GIT2: variants seen among roughly 807,000 people sequenced by gnomAD.
The protein encoded by GIT2 is ARF GTPase-activating protein GIT2.
GIT2 carries 32 observed loss-of-function variants against 100.3 expected under a neutral mutation model. The ratio of observed to expected loss-of-function variants is 0.32; its 90% CI spans 0.24 to 0.43. The LOEUF (loss-of-function observed/expected upper bound fraction) is 0.43, where lower values mean the gene tolerates loss of function less well. Ranked by LOEUF, GIT2 falls within the 20% of genes least tolerant of loss-of-function variation. The pLI is 1.00. For missense variants in GIT2, 737 were observed against 975.1 expected, an observed-to-expected ratio of 0.76 and a Z score of 3.25; for synonymous variants, 353 against 364.1, an observed-to-expected ratio of 0.97 and a Z score of 0.35.
chr12:109,970,579 A>G (rs1883605427), intron 7 of GIT2, among the ~76,000 whole-genome samples: 1 of 152,208 alleles, frequency 6.6e-6, no homozygotes, highest in Admixed American at 6.5e-5. Context: ...ACAAAAATCA[A>G]TTGAACATAT....
rs1008410639 is a variant in GIT2, at chr12:109,931,835, G to A, written c.*1143C>T. ...CAACCTTACTCTTTCAGAGCTTTGG[G>A]GTAGCAGGCAGCCAGCTAGAGCACA... On this transcript the variant is annotated 3_prime_UTR_variant, in exon 20 of 20. Coordinates refer to ENST00000355312, the MANE Select transcript of GIT2 (RefSeq NM_057169.5). The A allele has an allele frequency of 2.6e-5, 4 of 152,210 alleles. No homozygotes were observed. The highest frequency in any genetic ancestry group is 5.9e-5 in the Non-Finnish European group (4 of 68,050). 9.4% of individuals were successfully genotyped at this position (152,210 alleles called of 1,614,324 possible).
At chr12:109,998,895 A>C (rs999779452), upstream of GIT2, 1 of 152,270 alleles carries the variant, frequency 6.6e-6, no homozygotes, top group Admixed American at 6.5e-5. Flanking sequence ...ACCCCCACAC[A>C]AAAACTGCCC....
intron 14 of GIT2, among the ~76,000 whole-genome samples, chr12:109,949,857 T>C (rs941867764): frequency 6.6e-6 from 1 of 152,182 alleles, no homozygotes; most frequent in Non-Finnish European, 1.5e-5. Context: ...ATTAGTCCAA[T>C]TAATGGAACA....
upstream of GIT2, among the ~76,000 whole-genome samples, chr12:109,997,204 CAAAAAAA>C (rs35732772): frequency 3.0e-4 from 13 of 43,312 alleles, no homozygotes; most frequent in Non-Finnish European, 4.4e-4. Context: ...GACTCCGTCT[CAAAAAAA>C]AAAAAAAAAA....
At position 109,992,442 on chromosome 12, in the gene GIT2, C is replaced by T. The variant is rs112881375; in HGVS notation, c.53-682G>A. Among the ~76,000 whole-genome samples the T allele has an allele frequency of 2.4e-3, 363 of 151,986 alleles. 1 individual carries two copies. Among genetic ancestry groups the T allele is most frequent in the African/African-American group, 8.2e-3 (338 of 41,448 alleles). On this transcript the variant is annotated intron_variant, in intron 1 of 19. Coordinates refer to ENST00000355312, the MANE Select transcript of GIT2 (RefSeq NM_057169.5). Reference sequence around the variant, plus strand: ...GATTACAGGCGTGAGCCACTGTGCCCGGCCAAGATAATATAATTTTGACAG... The same window carrying T: ...GATTACAGGCGTGAGCCACTGTGCCTGGCCAAGATAATATAATTTTGACAG...
At chr12:109,937,608 C>T (rs1873407636) in intron 18 of GIT2, among the ~76,000 whole-genome samples, 2 of 152,128 alleles carry the variant, frequency 1.3e-5, no homozygotes, top group Non-Finnish European at 2.9e-5. Context: ...AGAGCCAGTC[C>T]CTTCCTCAGG....
chr12:109,970,899 C>A (rs1883705243), intron 7 of GIT2, among the ~76,000 whole-genome samples: 2 of 152,154 alleles, frequency 1.3e-5, no homozygotes, highest in Non-Finnish European at 2.9e-5. Flanking sequence ...AGGTGATCTT[C>A]CCACATCAGC....
intron 7 of GIT2, among the ~76,000 whole-genome samples, chr12:109,979,999 G>A (rs547946086): frequency 1.3e-5 from 2 of 152,324 alleles, no homozygotes. Flanking sequence ...CAACTCTGCT[G>A]TTGTTATGTG....
chr12:109,964,311 C>T (rs1881748446), intron 9 of GIT2, among the ~76,000 whole-genome samples: 1 of 151,984 alleles, frequency 6.6e-6, no homozygotes. Flanking sequence ...GCATAAAACA[C>T]ATTTATTTCA....
Position 109,940,930 on chromosome 12 carries a change from A to C in GIT2, c.1732-1683T>G, listed in dbSNP as rs940694355. Among the ~76,000 whole-genome samples the C allele has an allele frequency of 6.6e-5, 10 of 151,722 alleles. 1 individual carries two copies. The highest frequency in any genetic ancestry group is 1.3e-4 in the Admixed American group (2 of 15,228). ...CAAAACCAAAAAGAAAAAAAAAAAAAAACCCCACAAAACTCTACATAAAGC... is the reference window on the plus strand; with the variant it reads ...CAAAACCAAAAAGAAAAAAAAAAAACAACCCCACAAAACTCTACATAAAGC... On this transcript the variant is annotated intron_variant, in intron 16 of 19. Transcript: ENST00000355312.
chr12:109,949,551 T>A (rs184455183), intron 14 of GIT2, among the ~76,000 whole-genome samples: 1 of 152,342 alleles, frequency 6.6e-6, no homozygotes, highest in East Asian at 1.9e-4. Flanking sequence ...CAGGCTACAC[T>A]TTTTTATTTG....
rs1871561399 is a variant in GIT2, at chr12:109,931,098, G to A, written c.*1880C>T. On this transcript the variant is annotated 3_prime_UTR_variant, in exon 20 of 20. Transcript: ENST00000355312. ...GACTTAGTAAAGCAAGCACCGTCGG[G>A]GTGCTACTTTCATGACAGCATATGG... 1 of 152,220 alleles carries A rather than the reference G, an allele frequency of 6.6e-6. No homozygotes were observed. Among genetic ancestry groups the A allele is most frequent in the East Asian group, 1.9e-4 (1 of 5,202 alleles). 9.4% of individuals were successfully genotyped at this position (152,220 alleles called of 1,614,324 possible).
chr12:109,945,251 G>A lies in GIT2; in HGVS notation c.1731+9C>T, dbSNP rs1219857611. 2 of 1,371,560 alleles carry A rather than the reference G, an allele frequency of 1.5e-6. No individual in the cohort carries two copies. The highest frequency in any genetic ancestry group is 1.4e-5 in the African/African-American group (1 of 70,208). 85.0% of individuals were successfully genotyped at this position (1,371,560 alleles called of 1,614,324 possible). On this transcript the variant is annotated intron_variant, in intron 16 of 19. Coordinates refer to ENST00000355312, the MANE Select transcript of GIT2 (RefSeq NM_057169.5). ...CTCCAGAGAGCAGACCATTCAGAAT[G>A]TACTTAACCCTTCGGGCGCTTTCGT...
At chr12:109,980,834 G>T in intron 7 of GIT2, 118 bp downstream of exon 7, 1 of 716,398 alleles carries the variant, frequency 1.4e-6, no homozygotes, top group Admixed American at 2.0e-5. Context: ...AAAGCCATAT[G>T]TATAGCTTTC....
At chr12:109,997,204 CA>C (rs35732772), upstream of GIT2, among the ~76,000 whole-genome samples, 3,795 of 43,266 alleles carry the variant, frequency 0.088, 61 homozygotes, top group African/African-American at 0.2. Flanking sequence ...GACTCCGTCT[CA>C]AAAAAAAAAA....
intron 17 of GIT2, chr12:109,938,912 G>A: frequency 4.1e-6 from 2 of 491,452 alleles, no homozygotes; most frequent in Middle Eastern, 5.3e-4. Flanking sequence ...GATGAAGTGG[G>A]GTAATGACTT....
intron 11 of GIT2, among the ~76,000 whole-genome samples, chr12:109,960,391 A>G (rs1478020522): frequency 6.6e-6 from 1 of 152,176 alleles, no homozygotes; most frequent in Non-Finnish European, 1.5e-5. Context: ...TGGGAGGCTG[A>G]GGCGGGAGGA....
At chr12:109,937,290 G>T (rs1873308934) in intron 18 of GIT2, among the ~76,000 whole-genome samples, 3 of 152,128 alleles carry the variant, frequency 2.0e-5, no homozygotes, top group Admixed American at 2.0e-4. Flanking sequence ...GAATACAAAG[G>T]CCCAGATGCA....
intron 7 of GIT2, among the ~76,000 whole-genome samples, chr12:109,969,829 C>T (rs753733061): frequency 4.7e-5 from 7 of 149,652 alleles, no homozygotes; most frequent in Admixed American, 2.0e-4. Flanking sequence ...GATCTCGGTT[C>T]GCTATAACCT....
Sources: gnomAD v4.1 joint callset for allele counts (sites outside exome capture counted in the v4.1 genomes callset) on GRCh38, gnomAD v4.1.1 for gene constraint, MANE v1.5 for transcripts, NCBI Gene and HGNC (gene_info 2026-07-23, HGNC 2026-07-21) for gene names.